NRIP1: variants seen among roughly 807,000 people sequenced by gnomAD.
The protein encoded by NRIP1 is nuclear receptor interacting protein 1.
NRIP1 carries 28 observed loss-of-function variants against 75.0 expected under a neutral mutation model. The ratio of observed to expected loss-of-function variants is 0.37; its 90% CI spans 0.28 to 0.51. The LOEUF (loss-of-function observed/expected upper bound fraction) is 0.51. NRIP1 is among the 20% of genes least tolerant of loss of function. The pLI is 0.92. For synonymous variants in NRIP1, 526 were observed against 487.6 expected, an observed-to-expected ratio of 1.08 and a Z score of -1.04; for missense variants, 1,435 against 1,343.7, an observed-to-expected ratio of 1.07 and a Z score of -1.06.
chr21:15,059,526 A>G (rs2089378892), intron 1 of NRIP1, among the ~76,000 whole-genome samples: 1 of 152,076 alleles, frequency 6.6e-6, no homozygotes, highest in Non-Finnish European at 1.5e-5. Context: ...AGTGGAAAGA[A>G]GGAAGGGAGG....
intron 1 of NRIP1, among the ~76,000 whole-genome samples, chr21:15,061,208 A>G (rs1398311987): frequency 6.6e-6 from 1 of 152,178 alleles, no homozygotes; most frequent in Non-Finnish European, 1.5e-5. Flanking sequence ...CTCCAGTTGG[A>G]AGACATGGGT....
At chr21:15,053,318 T>C (rs975737141) in intron 1 of NRIP1, among the ~76,000 whole-genome samples, 5 of 152,192 alleles carry the variant, frequency 3.3e-5, no homozygotes, top group African/African-American at 1.2e-4. Flanking sequence ...GGAATACCCA[T>C]GGATGTGTAA....
intron 1 of NRIP1, chr21:15,050,714 T>C (rs1294279562): frequency 6.6e-6 from 3 of 455,946 alleles, no homozygotes; most frequent in South Asian, 3.1e-5. Context: ...TATATTATGA[T>C]GGTTTTGACT....
chr21:14,975,585 C>A (rs900549513), intron 3 of NRIP1, among the ~76,000 whole-genome samples: 7 of 139,036 alleles, frequency 5.0e-5, no homozygotes, highest in Non-Finnish European at 1.1e-4. Context: ...TTACTGTACA[C>A]CGCATTCTAG....
At chr21:14,993,325 C>T (rs1376072318) in intron 3 of NRIP1, among the ~76,000 whole-genome samples, 1 of 151,882 alleles carries the variant, frequency 6.6e-6, no homozygotes, top group Non-Finnish European at 1.5e-5. Context: ...GACTAGATAC[C>T]ACTCCAATCC....
chr21:14,991,005 A>G (rs1279761512), intron 3 of NRIP1, among the ~76,000 whole-genome samples: 1 of 152,084 alleles, frequency 6.6e-6, no homozygotes, highest in Non-Finnish European at 1.5e-5. Flanking sequence ...GTCAACTATT[A>G]GGTTGCCGCA....
At position 14,966,726 on chromosome 21, in the gene NRIP1, A is replaced by C. The variant is rs2086757521; in HGVS notation, c.1467T>G (p.Asn489Lys). Residue 489 changes from asparagine to lysine, a missense_variant, in exon 4 of 4, where the codon AAT (asparagine) becomes AAG (lysine). Physicochemically the swap from Asn to Lys is moderately conservative, Grantham distance 94 (BLOSUM62 0). Transcript: ENST00000318948. ...DIKEDQDTSK[N>K]SKLNSHQKVT... The stretch of plus-strand genomic sequence containing the variant: ...CTTTCTGGTGTGAGTTTAGCTTAGA[A>C]TTCTTTGAGGTATCTTGATCTTCTT... The C allele has an allele frequency of 6.2e-7, 1 of 1,613,892 alleles. No individual in the cohort carries two copies. Among genetic ancestry groups the C allele is most frequent in the South Asian group, 1.1e-5 (1 of 91,090 alleles).
In NRIP1 at chr21:14,966,697, G is replaced by C; in HGVS notation, c.1496C>G (p.Thr499Arg). 1 of 1,614,096 alleles carries C rather than the reference G, an allele frequency of 6.2e-7. No individual in the cohort carries two copies. Among genetic ancestry groups the C allele is most frequent in the Non-Finnish European group, 8.5e-7 (1 of 1,179,992 alleles). The change falls in exon 4 of 4, where the codon ACA becomes AGA. Residue 499 changes from threonine (T) to arginine (R), a missense_variant. Coordinates refer to ENST00000318948, the MANE Select transcript of NRIP1 (RefSeq NM_003489.4). ...NSKLNSHQKV[T>R]LLQLLLGHKN... ...ATGGCCAAGTAGCAATTGAAGAAGTGTTACTTTCTGGTGTGAGTTTAGCTT... is the reference window on the plus strand; with the variant it reads ...ATGGCCAAGTAGCAATTGAAGAAGTCTTACTTTCTGGTGTGAGTTTAGCTT...
At position 15,014,362 on chromosome 21, in the gene NRIP1, G is replaced by A. The variant is rs2147174493; in HGVS notation, c.-353C>T. On this transcript the variant is annotated 5_prime_UTR_variant, in exon 3 of 4. An upstream open reading frame in the 5' UTR gains an earlier in-frame stop. Transcript: ENST00000318948. ...TTCTCACCGTCTGTCTCCAAGCTCT[G>A]AGCCTCTGCTTTCTGAGAAAGAAAA... 2.5e-6 allele frequency: 1 copy of A among 398,208 alleles called. No individual in the cohort carries two copies. 24.7% of individuals were successfully genotyped at this position (398,208 alleles called of 1,614,324 possible).
intron 2 of NRIP1, among the ~76,000 whole-genome samples, chr21:15,032,838 G>C (rs1267453463): frequency 6.6e-6 from 1 of 152,252 alleles, no homozygotes; most frequent in African/African-American, 2.4e-5. Context: ...CAAAAGATGT[G>C]TGTGATGTAA....
At chr21:15,057,652 T>C (rs1369916924) in intron 1 of NRIP1, among the ~76,000 whole-genome samples, 3 of 152,358 alleles carry the variant, frequency 2.0e-5, no homozygotes, top group South Asian at 2.1e-4. Flanking sequence ...GCTTCCTGAA[T>C]GTCAGATGGC....
intron 3 of NRIP1, among the ~76,000 whole-genome samples, chr21:15,007,037 A>G (rs1307970252): frequency 6.6e-6 from 1 of 152,204 alleles, no homozygotes; most frequent in African/African-American, 2.4e-5. Context: ...CTCAAAGGCA[A>G]GGAAGAGCTG....
chr21:15,037,396 A>G (rs558752174), intron 2 of NRIP1, among the ~76,000 whole-genome samples: 1 of 152,318 alleles, frequency 6.6e-6, no homozygotes, highest in East Asian at 1.9e-4. Flanking sequence ...GTGTTTCACC[A>G]ATACTTTGAT....
chr21:14,978,556 G>A (rs1238963171), intron 3 of NRIP1, among the ~76,000 whole-genome samples: 1 of 152,084 alleles, frequency 6.6e-6, no homozygotes, highest in Non-Finnish European at 1.5e-5. Context: ...GCTATATACT[G>A]AATAAAATGG....
At chr21:14,969,099 C>T (rs2086837441) in intron 3 of NRIP1, among the ~76,000 whole-genome samples, 1 of 152,194 alleles carries the variant, frequency 6.6e-6, no homozygotes, top group Non-Finnish European at 1.5e-5. Flanking sequence ...AATGAAACCA[C>T]TAACAAGTTG....
intron 1 of NRIP1, among the ~76,000 whole-genome samples, chr21:15,061,648 T>G (rs1286338798): frequency 6.6e-6 from 1 of 152,196 alleles, no homozygotes; most frequent in Non-Finnish European, 1.5e-5. Flanking sequence ...TTAAACTCAT[T>G]CTGAGCAAAA....
chr21:15,053,799 T>C (rs566337467), intron 1 of NRIP1, among the ~76,000 whole-genome samples: 1 of 152,294 alleles, frequency 6.6e-6, no homozygotes, highest in Admixed American at 6.5e-5. Context: ...AAAAGAAATA[T>C]ACTGTCAAAT....
intron 3 of NRIP1, among the ~76,000 whole-genome samples, chr21:14,978,462 G>T (rs1001120391): frequency 2.0e-5 from 3 of 152,024 alleles, no homozygotes; most frequent in Non-Finnish European, 4.4e-5. Flanking sequence ...TCTTCTGTAG[G>T]GTCACAGAAT....
chr21:15,005,393 G>C (rs2087941193), intron 3 of NRIP1, among the ~76,000 whole-genome samples: 2 of 152,056 alleles, frequency 1.3e-5, no homozygotes, highest in South Asian at 4.1e-4. Context: ...GGGTAAAAAA[G>C]TCTTCTTCCT....
Sources: gnomAD v4.1 joint callset for allele counts (sites outside exome capture counted in the v4.1 genomes callset) on GRCh38, gnomAD v4.1.1 for gene constraint, MANE v1.5 for transcripts, NCBI Gene and HGNC (gene_info 2026-07-23, HGNC 2026-07-21) for gene names.